NRG2: variants seen among roughly 807,000 people sequenced by gnomAD.
NRG2 encodes pro-neuregulin-2, membrane-bound isoform.
Under a neutral mutation model 73.9 loss-of-function variants are expected in NRG2, and 27 were observed. The ratio of observed to expected loss-of-function variants is 0.37; its 90% CI spans 0.27 to 0.50. NRG2 has a LOEUF of 0.50. Among genes scored for constraint, NRG2 ranks in the 20% least tolerant of loss-of-function variants. NRG2 has a pLI of 0.96. For synonymous variants in NRG2, 532 were observed against 541.0 expected (o/e 0.98, Z 0.23); for missense variants, 1,126 against 1,210.1 (o/e 0.93, Z 1.03).
intron 3 of NRG2, among the ~76,000 whole-genome samples, chr5:139,875,574 A>T (rs1763123566): frequency 6.6e-6 from 1 of 152,234 alleles, no homozygotes; most frequent in Admixed American, 6.5e-5. Context: ...AGATTAAAGG[A>T]CTGTCTCCTT....
chr5:139,874,915 T>A (rs1350160747), intron 3 of NRG2, among the ~76,000 whole-genome samples: 1 of 152,232 alleles, frequency 6.6e-6, no homozygotes, highest in African/African-American at 2.4e-5. Flanking sequence ...CCTGACTTCT[T>A]AAGCTGGTCA....
chr5:139,956,858 C>T (rs577813280), intron 1 of NRG2, among the ~76,000 whole-genome samples: 1 of 152,318 alleles, frequency 6.6e-6, no homozygotes, highest in East Asian at 1.9e-4. Context: ...TCAACCCCTC[C>T]CCAGCTTCGT....
intron 1 of NRG2, among the ~76,000 whole-genome samples, chr5:139,942,028 C>T (rs1753437199): frequency 6.6e-6 from 1 of 152,072 alleles, no homozygotes; most frequent in African/African-American, 2.4e-5. Context: ...AGCTATTATC[C>T]AAAATCATTT....
At chr5:139,858,633 C>T (rs1182290115) in intron 5 of NRG2, among the ~76,000 whole-genome samples, 1 of 152,172 alleles carries the variant, frequency 6.6e-6, no homozygotes, top group Non-Finnish European at 1.5e-5. Flanking sequence ...TATCTGCACA[C>T]TCACACTCAT....
intron 1 of NRG2, among the ~76,000 whole-genome samples, chr5:139,911,582 AG>A: frequency 6.6e-6 from 1 of 152,334 alleles, no homozygotes; most frequent in Non-Finnish European, 1.5e-5. Flanking sequence ...GCATGGTACC[AG>A]GCCCTGCTGC....
At chr5:139,978,041 C>T (rs1207949339) in intron 1 of NRG2, among the ~76,000 whole-genome samples, 2 of 152,148 alleles carry the variant, frequency 1.3e-5, no homozygotes, top group Non-Finnish European at 1.5e-5. Flanking sequence ...TGGGCAAGGA[C>T]TTCATGTCTA....
At chr5:139,881,772 G>A (rs1017657819) in intron 2 of NRG2, among the ~76,000 whole-genome samples, 2 of 152,240 alleles carry the variant, frequency 1.3e-5, no homozygotes, top group Non-Finnish European at 2.9e-5. Context: ...CTATCTCTGA[G>A]AAAAGCTGGG....
chr5:140,038,122 T>C (rs368800641), intron 1 of NRG2, among the ~76,000 whole-genome samples: 45 of 152,038 alleles, frequency 3.0e-4, no homozygotes, highest in East Asian at 2.1e-3. Context: ...AAAATATAAA[T>C]ATAATTTTAT....
chr5:140,029,687 C>CAAAAAAAA lies in NRG2; in HGVS notation c.700+12675_700+12682dup, dbSNP rs34122778. ...TGGGTGACAGAGCAAGACTCTGTCT[C>CAAAAAAAA]AAAAAAAAAAAAAAAAGCTCCAGCG... is the stretch of plus-strand genomic sequence containing the variant. On this transcript the variant is annotated intron_variant, in intron 1 of 9. Transcript: ENST00000361474. Among the ~76,000 whole-genome samples the CAAAAAAAA allele has an allele frequency of 7.8e-4, 48 of 61,274 alleles. 1 individual carries two copies. Among genetic ancestry groups the CAAAAAAAA allele is most frequent in the Middle Eastern group, 0.021 (2 of 96 alleles). 40.2% of individuals were successfully genotyped at this position (61,274 alleles called of 152,430 possible).
intron 1 of NRG2, among the ~76,000 whole-genome samples, chr5:140,032,889 T>A (rs75659741): frequency 7.4e-4 from 112 of 152,334 alleles, no homozygotes; most frequent in African/African-American, 2.6e-3. Flanking sequence ...TATATTACTT[T>A]CTGTGTTTTC....
intron 1 of NRG2, among the ~76,000 whole-genome samples, chr5:139,924,699 G>C (rs1393324444): frequency 6.6e-6 from 1 of 152,032 alleles, no homozygotes; most frequent in Admixed American, 6.5e-5. Context: ...TTTTGGGGAG[G>C]CTCAGCTAAT....
intron 5 of NRG2, among the ~76,000 whole-genome samples, chr5:139,860,486 C>G (rs1458342783): frequency 6.6e-6 from 1 of 151,876 alleles, no homozygotes; most frequent in Non-Finnish European, 1.5e-5. Flanking sequence ...GGGTGGGGAG[C>G]CTCAGAGTCT....
intron 3 of NRG2, among the ~76,000 whole-genome samples, chr5:139,878,447 C>A (rs182871307): frequency 6.6e-6 from 1 of 151,990 alleles, no homozygotes; most frequent in Non-Finnish European, 1.5e-5. Flanking sequence ...AGACCATGGC[C>A]TCCTCTTCCC....
At chr5:139,884,671 C>T (rs1763748043) in intron 2 of NRG2, among the ~76,000 whole-genome samples, 1 of 152,162 alleles carries the variant, frequency 6.6e-6, no homozygotes, top group Admixed American at 6.5e-5. Context: ...AGGTGTCTAC[C>T]AGATTCTATA....
chr5:139,912,386 T>C (rs887853284), intron 1 of NRG2, among the ~76,000 whole-genome samples: 1 of 152,122 alleles, frequency 6.6e-6, no homozygotes, highest in Non-Finnish European at 1.5e-5. Context: ...CAGGCTTGGC[T>C]GCTCCTGGGA....
chr5:139,974,975 G>C (rs775762626), intron 1 of NRG2, among the ~76,000 whole-genome samples: 1 of 152,220 alleles, frequency 6.6e-6, no homozygotes, highest in African/African-American at 2.4e-5. Context: ...TAGGCCATGC[G>C]CCCCCTGTGT....
chr5:139,863,052 A>G (rs1290746248), intron 5 of NRG2, among the ~76,000 whole-genome samples: 1 of 152,130 alleles, frequency 6.6e-6, no homozygotes, highest in Non-Finnish European at 1.5e-5. Context: ...TAGCTGGGAG[A>G]GGTACTAAAT....
chr5:139,939,824 A>G (rs1008811188), intron 1 of NRG2, among the ~76,000 whole-genome samples: 2 of 152,238 alleles, frequency 1.3e-5, no homozygotes, highest in African/African-American at 2.4e-5. Flanking sequence ...AAAATTGAAC[A>G]GACACTTGAC....
intron 1 of NRG2, among the ~76,000 whole-genome samples, chr5:139,931,751 T>TA (rs1752482185): frequency 1.3e-5 from 2 of 152,064 alleles, no homozygotes; most frequent in African/African-American, 2.4e-5. Context: ...AATGTAAAAT[T>TA]AAAAAATCAC....
Sources: allele counts gnomAD v4.1 joint callset (sites outside exome capture counted in the v4.1 genomes callset), GRCh38; gene constraint gnomAD v4.1.1; transcripts MANE v1.5; gene names NCBI Gene and HGNC (gene_info 2026-07-23, HGNC 2026-07-21).